Variants in PPARD observed in about 807,000 individuals in gnomAD.
PPARD encodes the protein peroxisome proliferator-activated receptor delta.
Under a neutral mutation model 39.5 loss-of-function variants are expected in PPARD, and 6 were observed. That is an observed-to-expected ratio of 0.15 (90% CI 0.08 to 0.30). The LOEUF (loss-of-function observed/expected upper bound fraction) is 0.30. Ranked by LOEUF, PPARD falls within the 10% of genes least tolerant of loss-of-function variation. The pLI is 1.00. For synonymous variants in PPARD, 210 were observed against 231.3 expected, an observed-to-expected ratio of 0.91 and a Z score of 0.83; for missense variants, 397 against 596.8, an observed-to-expected ratio of 0.67 and a Z score of 3.49.
At chr6:35,403,470 C>T (rs563021297) in intron 2 of PPARD, among the ~76,000 whole-genome samples, 1 of 151,772 alleles carries the variant, frequency 6.6e-6, no homozygotes, top group East Asian at 1.9e-4. Context: ...ATCTCGATGG[C>T]AGTAATATAT....
At chr6:35,368,704 T>G (rs1171289968) in intron 2 of PPARD, among the ~76,000 whole-genome samples, 1 of 152,220 alleles carries the variant, frequency 6.6e-6, no homozygotes, top group Non-Finnish European at 1.5e-5. Context: ...GGCCTCACAC[T>G]TCACAACCAG....
Position 35,426,587 on chromosome 6 carries a change from C to G in PPARD, c.*508C>G, listed in dbSNP as rs1217537895. ...TGTCTCCTGTCTTCAGAGCAAAAGA[C>G]TTGAGCCATCCAAAGAAACACTAAG... On this transcript the variant is annotated 3_prime_UTR_variant, in exon 8 of 8. Coordinates refer to ENST00000360694, the MANE Select transcript of PPARD (RefSeq NM_006238.5). 1 of 168,518 alleles carries G rather than the reference C, an allele frequency of 5.9e-6. No homozygotes were observed. The highest frequency in any genetic ancestry group is 1.3e-5 in the Non-Finnish European group (1 of 77,924). The allele number at this position is 168,518 out of a possible 1,614,324, so 10.4% of individuals were successfully genotyped here.
chr6:35,384,611 TG>T (rs201435990), intron 2 of PPARD, among the ~76,000 whole-genome samples: 214 of 30,516 alleles, frequency 7.0e-3, no homozygotes, highest in Admixed American at 0.012. Flanking sequence ...GGGAGGGAGG[TG>T]GGGGGGTCAG....
intron 2 of PPARD, among the ~76,000 whole-genome samples, chr6:35,400,120 G>A (rs113343821): frequency 0.01 from 1,575 of 152,210 alleles, 6 homozygotes; most frequent in Middle Eastern, 0.017. Flanking sequence ...TCTCTCCCTG[G>A]GAAGGTTGAG....
intron 2 of PPARD, among the ~76,000 whole-genome samples, chr6:35,406,730 G>T (rs953554086): frequency 6.6e-6 from 1 of 152,094 alleles, no homozygotes; most frequent in Non-Finnish European, 1.5e-5. Context: ...AGTCTAAGAG[G>T]CAACCACTTA....
intron 2 of PPARD, among the ~76,000 whole-genome samples, chr6:35,398,892 TCACTTG>T (rs1764511339): frequency 6.6e-6 from 1 of 152,108 alleles, no homozygotes; most frequent in African/African-American, 2.4e-5. Context: ...GGTGGGTGGA[TCACTTG>T]AGGTTATGAG....
rs201518324 is a variant in PPARD, at chr6:35,426,307, C to G, written c.*228C>G. ...TTGTTGTCTCCCTCTTTCTCAGTTCCTCTTTCTTTTCTAATTCCTGTTGCT... is the reference window on the plus strand; with the variant it reads ...TTGTTGTCTCCCTCTTTCTCAGTTCGTCTTTCTTTTCTAATTCCTGTTGCT... On this transcript the variant is annotated 3_prime_UTR_variant, in exon 8 of 8. Coordinates refer to ENST00000360694, the MANE Select transcript of PPARD (RefSeq NM_006238.5). 8.8e-5 allele frequency: 52 copies of G among 591,040 alleles called. No homozygotes were observed. Among genetic ancestry groups the G allele is most frequent in the Non-Finnish European group, 1.3e-4 (45 of 338,318 alleles). 36.6% of individuals were successfully genotyped at this position (591,040 alleles called of 1,614,324 possible).
chr6:35,427,241 A>G lies in PPARD; in HGVS notation c.*1162A>G, dbSNP rs183068835. ...CTCCCCCTGAAGCTGCCCCTCCAGC[A>G]CACACACATAAGCACTGAAATCACT... On this transcript the variant is annotated 3_prime_UTR_variant, in exon 8 of 8. Transcript: ENST00000360694. The G allele has an allele frequency of 1.6e-4, 25 of 160,674 alleles. 1 individual carries two copies. In the East Asian group the frequency reaches 3.3e-3, roughly 21 times the overall value. The allele number at this position is 160,674 out of a possible 1,614,324, so 10.0% of individuals were successfully genotyped here.
intron 3 of PPARD, among the ~76,000 whole-genome samples, chr6:35,416,690 C>G (rs1765795322): frequency 6.6e-6 from 1 of 152,162 alleles, no homozygotes; most frequent in Non-Finnish European, 1.5e-5. Context: ...AGTGGTGGAA[C>G]CTTCAGAACC....
chr6:35,383,714 G>A lies in PPARD; in HGVS notation c.-101-27273G>A, dbSNP rs963195928. Among the ~76,000 whole-genome samples the A allele has an allele frequency of 2.8e-5, 4 of 142,696 alleles. No homozygotes were observed. The East Asian group carries it at 6.0e-4, about 21-fold the overall frequency. 93.6% of individuals were successfully genotyped at this position (142,696 alleles called of 152,430 possible). A position where few individuals can be genotyped will look rare whatever the true frequency, so the allele number is the denominator to read the frequency against. Reference sequence around the variant, plus strand: ...TGGGATGTGAGGAGCACCTCTGCCCGGCCACGACCCCGTCTGGGAGGTGAG... The same window carrying A: ...TGGGATGTGAGGAGCACCTCTGCCCAGCCACGACCCCGTCTGGGAGGTGAG... On this transcript the variant is annotated intron_variant, in intron 2 of 7. Transcript: ENST00000360694.
intron 2 of PPARD, among the ~76,000 whole-genome samples, chr6:35,393,035 A>G (rs920046607): frequency 7.2e-5 from 11 of 152,198 alleles, no homozygotes; most frequent in African/African-American, 2.6e-4. Context: ...GGTTCCTGTT[A>G]CCTCTCTTTA....
intron 2 of PPARD, among the ~76,000 whole-genome samples, chr6:35,371,248 T>C (rs1762464765): frequency 6.6e-6 from 1 of 152,116 alleles, no homozygotes; most frequent in Non-Finnish European, 1.5e-5. Context: ...AAATGTCTGT[T>C]CTCCCATGGC....
At chr6:35,365,860 C>G (rs77104033) in intron 2 of PPARD, among the ~76,000 whole-genome samples, 1,631 of 151,824 alleles carry the variant, frequency 0.011, 73 homozygotes, top group African/African-American at 0.038. Context: ...CAATGAATAA[C>G]CTTGTCATTT....
In PPARD at chr6:35,411,169, G is replaced by C. The variant is rs546984488; in HGVS notation, c.82G>C (p.Glu28Gln). The change falls in exon 3 of 8, where the codon GAG (glutamate) becomes CAG (glutamine). Residue 28 changes from glutamate (E) to glutamine (Q), a missense_variant. Coordinates refer to ENST00000360694, the MANE Select transcript of PPARD (RefSeq NM_006238.5). ...EEVAEAEGAP[E>Q]LNGGPQHALP... is the part of the protein sequence containing the mutation. ...AGTGGCAGAGGCAGAAGGAGCCCCAGAGCTCAATGGGGGACCACAGCATGC... is the reference window on the plus strand; with the variant it reads ...AGTGGCAGAGGCAGAAGGAGCCCCACAGCTCAATGGGGGACCACAGCATGC... The C allele has an allele frequency of 4.4e-6, 7 of 1,573,708 alleles. No homozygotes were observed. The highest frequency in any genetic ancestry group is 4.8e-5 in the East Asian group (2 of 41,398).
At chr6:35,347,603 A>T (rs916778960) in intron 2 of PPARD, among the ~76,000 whole-genome samples, 37 of 150,590 alleles carry the variant, frequency 2.5e-4, no homozygotes, top group Admixed American at 4.6e-4. Context: ...ATATATATAT[A>T]TTTTGTTTGT....
At chr6:35,357,402 C>T (rs983602662) in intron 2 of PPARD, among the ~76,000 whole-genome samples, 4 of 152,310 alleles carry the variant, frequency 2.6e-5, no homozygotes, top group East Asian at 1.9e-4. Context: ...ACCCTCAGCA[C>T]GCACATCCTG....
intron 2 of PPARD, among the ~76,000 whole-genome samples, chr6:35,375,199 C>G (rs949238518): frequency 1.4e-5 from 2 of 142,454 alleles, no homozygotes; most frequent in African/African-American, 5.2e-5. Flanking sequence ...GCCTATTTTT[C>G]TCCTTCCGAG....
chr6:35,352,589 TG>T (rs1441414161), intron 2 of PPARD, among the ~76,000 whole-genome samples: 1 of 152,230 alleles, frequency 6.6e-6, no homozygotes, highest in Non-Finnish European at 1.5e-5. Context: ...TTGTCTTTCA[TG>T]GTTCTGTGGA....
intron 2 of PPARD, among the ~76,000 whole-genome samples, chr6:35,357,661 C>G (rs925594281): frequency 2.0e-5 from 3 of 152,086 alleles, no homozygotes; most frequent in Non-Finnish European, 4.4e-5. Flanking sequence ...CTCAGCCTTC[C>G]AAGTAGCTGG....
Sources: gnomAD v4.1 joint callset for allele counts (sites outside exome capture counted in the v4.1 genomes callset) on GRCh38, gnomAD v4.1.1 for gene constraint, MANE v1.5 for transcripts, NCBI Gene and HGNC (gene_info 2026-07-23, HGNC 2026-07-21) for gene names.